The following KLF7 variants were observed in gnomAD, a reference collection of about 807,000 sequenced individuals.
The protein encoded by KLF7 is Krueppel-like factor 7.
A neutral mutation model predicts 27.3 loss-of-function variants in KLF7; 2 were observed. The observed-to-expected ratio is 0.07, with a 90% CI of 0.03 to 0.23. The LOEUF (loss-of-function observed/expected upper bound fraction) is 0.23. Ranked by LOEUF, KLF7 falls within the 10% of genes least tolerant of loss-of-function variation. KLF7 has a pLI of 1.00. For synonymous variants in KLF7, 165 were observed against 162.4 expected (o/e 1.02, Z -0.12); for missense variants, 221 against 394.1 (o/e 0.56, Z 3.72).
At chr2:207,114,656 T>C (rs1054898110) in intron 2 of KLF7, among the ~76,000 whole-genome samples, 1 of 152,188 alleles carries the variant, frequency 6.6e-6, no homozygotes. Flanking sequence ...CATTTAACAT[T>C]GGCTTCAATA....
At chr2:207,155,315 G>A (rs1277527795) in intron 1 of KLF7, among the ~76,000 whole-genome samples, 2 of 152,174 alleles carry the variant, frequency 1.3e-5, no homozygotes, top group Non-Finnish European at 2.9e-5. Context: ...TTAGCCAAGT[G>A]GAAAGAGGGA....
intron 1 of KLF7, among the ~76,000 whole-genome samples, chr2:207,130,843 G>A (rs566743145): frequency 6.6e-6 from 1 of 152,258 alleles, no homozygotes; most frequent in Admixed American, 6.5e-5. Context: ...ACTCAAGTTA[G>A]TAAGTAAAAA....
In KLF7 at chr2:207,087,923, T is replaced by A. The variant is rs151288862; in HGVS notation, c.857+535A>T. Among the ~76,000 whole-genome samples, 50 of 152,290 alleles carry A rather than the reference T, an allele frequency of 3.3e-4. No individual in the cohort carries two copies. The East Asian group carries it at 9.3e-3, about 28-fold the overall frequency. On this transcript the variant is annotated intron_variant, in intron 3 of 3. Coordinates refer to ENST00000309446, the MANE Select transcript of KLF7 (RefSeq NM_003709.4). ...CATTTTTTGCACCCTTGTACCTATT[T>A]TCAAGGAAGAAAGAATGATCTGGGC...
At chr2:207,149,396 A>G (rs529058036) in intron 1 of KLF7, among the ~76,000 whole-genome samples, 28 of 152,306 alleles carry the variant, frequency 1.8e-4, no homozygotes, top group Non-Finnish European at 3.5e-4. Context: ...AGGCTTGCCC[A>G]TATCTGCTCT....
rs1256372223 is a variant in KLF7 at position 207,144,163 on chromosome 2, G to GGC, written c.103-19760_103-19759insGC. Among the ~76,000 whole-genome samples the GGC allele has an allele frequency of 2.5e-3, 249 of 98,928 alleles. 5 individuals are homozygous for GGC. The highest frequency in any genetic ancestry group is 0.011 in the African/African-American group (230 of 20,788). The allele number at this position is 98,928 out of a possible 152,430, so 64.9% of individuals were successfully genotyped here. A position where few individuals can be genotyped will look rare whatever the true frequency, so the allele number is the denominator to read the frequency against. On this transcript the variant is annotated intron_variant, in intron 1 of 3. Coordinates refer to ENST00000309446, the MANE Select transcript of KLF7 (RefSeq NM_003709.4). ...CTGGTCTAGGAGTCGTCACAGCGGG[G>GGC]GGGAGAAAAAAAAAAAAAAGCATAG... is the stretch of plus-strand genomic sequence containing the variant.
chr2:207,166,286 G>T, upstream of KLF7: 2 of 607,608 alleles, frequency 3.3e-6, no homozygotes, highest in Non-Finnish European at 4.1e-6. Context: ...GGCGGGCGCG[G>T]ATTGGCACGC....
chr2:207,156,874 C>A (rs907585190), intron 1 of KLF7, among the ~76,000 whole-genome samples: 4 of 152,130 alleles, frequency 2.6e-5, no homozygotes, highest in Admixed American at 2.6e-4. Context: ...CAGGTAACCC[C>A]AACTCTGACA....
At chr2:207,158,496 A>C (rs1487257034) in intron 1 of KLF7, among the ~76,000 whole-genome samples, 1 of 152,202 alleles carries the variant, frequency 6.6e-6, no homozygotes, top group East Asian at 1.9e-4. Context: ...GAAACAAAGC[A>C]ATTTCACGTT....
chr2:207,109,722 T>C (rs1257090809), intron 2 of KLF7, among the ~76,000 whole-genome samples: 2 of 152,210 alleles, frequency 1.3e-5, no homozygotes, highest in South Asian at 4.1e-4. Flanking sequence ...CAGCTTACCC[T>C]TTCTTTAGCA....
intron 2 of KLF7, among the ~76,000 whole-genome samples, chr2:207,104,699 T>C (rs943116128): frequency 5.9e-5 from 9 of 152,228 alleles, no homozygotes; most frequent in South Asian, 2.1e-4. Flanking sequence ...ACAGTCAAGA[T>C]TGAAACTCAG....
At chr2:207,136,653 G>C (rs922000865) in intron 1 of KLF7, among the ~76,000 whole-genome samples, 1 of 152,144 alleles carries the variant, frequency 6.6e-6, no homozygotes. Flanking sequence ...TATTAACATA[G>C]AAGTTTCAGG....
intron 2 of KLF7, among the ~76,000 whole-genome samples, chr2:207,112,750 T>C (rs1239793550): frequency 1.3e-5 from 2 of 152,256 alleles, no homozygotes; most frequent in South Asian, 2.1e-4. Context: ...TCAATAATGA[T>C]GAAACGGAAA....
At chr2:207,161,021 T>C (rs991160072) in intron 1 of KLF7, among the ~76,000 whole-genome samples, 1 of 152,166 alleles carries the variant, frequency 6.6e-6, no homozygotes, top group African/African-American at 2.4e-5. Context: ...TAAGGACAGA[T>C]GTAGTAAAAA....
At chr2:207,100,843 C>A (rs1267878976) in intron 2 of KLF7, among the ~76,000 whole-genome samples, 4 of 152,212 alleles carry the variant, frequency 2.6e-5, no homozygotes, top group Admixed American at 2.6e-4. Context: ...AACAAGGACA[C>A]CTTATACCCC....
intron 1 of KLF7, among the ~76,000 whole-genome samples, chr2:207,147,593 CTG>C (rs1442596667): frequency 1.3e-5 from 2 of 152,096 alleles, no homozygotes; most frequent in Non-Finnish European, 2.9e-5. Context: ...GCGGAGGAGT[CTG>C]AAGGCTTCTA....
intron 2 of KLF7, among the ~76,000 whole-genome samples, chr2:207,097,921 C>T (rs571276984): frequency 6.6e-6 from 1 of 152,164 alleles, no homozygotes; most frequent in South Asian, 2.1e-4. Flanking sequence ...AGCCAACAAA[C>T]ACCACTGCTC....
intron 1 of KLF7, among the ~76,000 whole-genome samples, chr2:207,150,996 T>C (rs1467103941): frequency 7.1e-5 from 1 of 14,118 alleles, no homozygotes; most frequent in African/African-American, 9.0e-5. Context: ...GTTCTCTTTA[T>C]TAAAAAAAAA....
At chr2:207,098,556 T>C (rs2076683735) in intron 2 of KLF7, among the ~76,000 whole-genome samples, 2 of 152,136 alleles carry the variant, frequency 1.3e-5, no homozygotes, top group Admixed American at 1.3e-4. Flanking sequence ...TGTTTTCAAA[T>C]GTAAAGATCA....
intron 1 of KLF7, among the ~76,000 whole-genome samples, chr2:207,143,393 AT>A (rs1559157527): frequency 7.5e-6 from 1 of 133,146 alleles, no homozygotes; most frequent in African/African-American, 3.1e-5. Flanking sequence ...AAGAAATGAC[AT>A]GAAAAAAAAA....
Sources: allele counts gnomAD v4.1 joint callset (sites outside exome capture counted in the v4.1 genomes callset), GRCh38; gene constraint gnomAD v4.1.1; transcripts MANE v1.5; gene names NCBI Gene and HGNC (gene_info 2026-07-23, HGNC 2026-07-21).